The following SDC3 variants were observed in gnomAD, a reference collection of about 807,000 sequenced individuals.
The protein encoded by SDC3 is syndecan 3.
SDC3 carries 13 observed loss-of-function variants against 24.4 expected under a neutral mutation model. The observed-to-expected ratio is 0.53, with a 90% CI of 0.35 to 0.85. The LOEUF (loss-of-function observed/expected upper bound fraction) is 0.85. Ranked by LOEUF, SDC3 falls within the 40% of genes least tolerant of loss-of-function variation. The pLI is 0.01. For missense variants in SDC3, 571 were observed against 584.5 expected (o/e 0.98, Z 0.24); for synonymous variants, 295 against 260.9 (o/e 1.13, Z -1.26).
intron 1 of SDC3, among the ~76,000 whole-genome samples, chr1:30,887,794 C>G (rs572028074): frequency 6.6e-6 from 1 of 152,308 alleles, no homozygotes; most frequent in South Asian, 2.1e-4. Context: ...GTTGCATCAT[C>G]CCCCAGAGAT....
At chr1:30,885,347 T>C (rs1481042307) in intron 1 of SDC3, among the ~76,000 whole-genome samples, 3 of 152,248 alleles carry the variant, frequency 2.0e-5, no homozygotes, top group African/African-American at 7.2e-5. Flanking sequence ...AATTTCCAAA[T>C]GCTGCATTAT....
intron 1 of SDC3, among the ~76,000 whole-genome samples, chr1:30,904,210 G>A (rs928640782): frequency 2.0e-5 from 3 of 152,112 alleles, no homozygotes; most frequent in Non-Finnish European, 4.4e-5. Context: ...TGGCGATAGA[G>A]ACTCTGTCTC....
At chr1:30,878,836 C>A (rs755248114) in intron 1 of SDC3, 96 bp from the exon 2 acceptor site, 46 of 897,638 alleles carry the variant, frequency 5.1e-5, no homozygotes, top group Admixed American at 9.3e-5. Context: ...GGCTGAGTGA[C>A]ATCCACGTGG....
chr1:30,901,417 A>G (rs904974141), intron 1 of SDC3, among the ~76,000 whole-genome samples: 1 of 152,196 alleles, frequency 6.6e-6, no homozygotes, highest in South Asian at 2.1e-4. Context: ...AATGGAAAGC[A>G]CCCAGTCTCA....
chr1:30,899,844 A>G (rs538017680), intron 1 of SDC3, among the ~76,000 whole-genome samples: 1 of 152,254 alleles, frequency 6.6e-6, no homozygotes, highest in Admixed American at 6.5e-5. Context: ...TAGGACACAC[A>G]CGACACAACT....
chr1:30,903,307 AG>A (rs1638451413), intron 1 of SDC3, among the ~76,000 whole-genome samples: 1 of 152,154 alleles, frequency 6.6e-6, no homozygotes, highest in African/African-American at 2.4e-5. Context: ...GGCACATATC[AG>A]GGCTTATGGT....
chr1:30,890,249 G>C (rs1639885763), intron 1 of SDC3, among the ~76,000 whole-genome samples: 1 of 152,228 alleles, frequency 6.6e-6, no homozygotes, highest in Non-Finnish European at 1.5e-5. Context: ...AGAGGTTGCA[G>C]GGAGCCGAGA....
At chr1:30,884,436 C>T (rs957759991) in intron 1 of SDC3, among the ~76,000 whole-genome samples, 2 of 152,148 alleles carry the variant, frequency 1.3e-5, no homozygotes, top group African/African-American at 4.8e-5. Context: ...CCTGTCCCAT[C>T]CCAGTCAACT....
Position 30,873,028 on chromosome 1 carries a change from A to G in SDC3, c.*183T>C, listed in dbSNP as rs1018173104. 1.5e-5 allele frequency: 9 copies of G among 617,130 alleles called. No homozygotes were observed. The African/African-American group carries it at 1.5e-4, about 10-fold the overall frequency. The allele number at this position is 617,130 out of a possible 1,614,324, so 38.2% of individuals were successfully genotyped here. ...AAGGGCACAGTCTGGGGCAGATGGC[A>G]GCAGCCCCTCTTCCTCGGGGAAGAT... is the stretch of plus-strand genomic sequence containing the variant. On this transcript the variant is annotated 3_prime_UTR_variant, in exon 5 of 5. Coordinates refer to ENST00000339394, the MANE Select transcript of SDC3 (RefSeq NM_014654.4).
At chr1:30,901,962 C>T (rs1638422798) in intron 1 of SDC3, among the ~76,000 whole-genome samples, 1 of 152,222 alleles carries the variant, frequency 6.6e-6, no homozygotes, top group Non-Finnish European at 1.5e-5. Context: ...TAGGTGAACT[C>T]ACCAAGGTCA....
rs2124302289 is a variant in SDC3, at chr1:30,871,971, T to C, written c.*1240A>G. The C allele has an allele frequency of 6.6e-6, 1 of 152,270 alleles. No homozygotes were observed. The highest frequency in any genetic ancestry group is 1.9e-4 in the East Asian group (1 of 5,204). 9.4% of individuals were successfully genotyped at this position (152,270 alleles called of 1,614,324 possible). Reference sequence around the variant, plus strand: ...CCAGGCCCACCTGCATGCAATGCCCTAAAAGGGCTGTGGCCCCACACTTTT... The same window carrying C: ...CCAGGCCCACCTGCATGCAATGCCCCAAAAGGGCTGTGGCCCCACACTTTT... On this transcript the variant is annotated 3_prime_UTR_variant, in exon 5 of 5. Coordinates refer to ENST00000339394, the MANE Select transcript of SDC3 (RefSeq NM_014654.4).
At position 30,869,536 on chromosome 1, in the gene SDC3, C is replaced by CAAAAAAAAAAAAAAAAAAAAAAA; in HGVS notation, c.*3652_*3674dup. The CAAAAAAAAAAAAAAAAAAAAAAA allele has an allele frequency of 2.9e-6, 1 of 346,258 alleles. No individual in the cohort carries two copies. The highest frequency in any genetic ancestry group is 4.9e-6 in the Non-Finnish European group (1 of 202,878). 21.4% of individuals were successfully genotyped at this position (346,258 alleles called of 1,614,324 possible). On this transcript the variant is annotated 3_prime_UTR_variant, in exon 5 of 5. Transcript: ENST00000339394. ...AGGAAGTGTTAAAAAAACAAACAAA[C>CAAAAAAAAAAAAAAAAAAAAAAA]AAAAAAAAAAAAAAAAAAAAAAAAA...
Position 30,872,954 on chromosome 1 carries a change from G to A in SDC3, c.*257C>T, listed in dbSNP as rs1639565809. On this transcript the variant is annotated 3_prime_UTR_variant, in exon 5 of 5. Coordinates refer to ENST00000339394, the MANE Select transcript of SDC3 (RefSeq NM_014654.4). ...TCCCATCCATCTGACATGAGGTCCT[G>A]AAGCCCCAGACTGGTGGCAGGGATG... The A allele has an allele frequency of 4.1e-6, 2 of 490,124 alleles. No homozygotes were observed. The highest frequency in any genetic ancestry group is 6.6e-5 in the East Asian group (2 of 30,078). 30.4% of individuals were successfully genotyped at this position (490,124 alleles called of 1,614,324 possible).
intron 1 of SDC3, among the ~76,000 whole-genome samples, chr1:30,891,876 G>C (rs1287344966): frequency 6.7e-6 from 1 of 150,176 alleles, no homozygotes; most frequent in Non-Finnish European, 1.5e-5. Flanking sequence ...AGAGGAAGAA[G>C]AAGAAGGGAG....
intron 1 of SDC3, among the ~76,000 whole-genome samples, chr1:30,887,143 G>T (rs554386199): frequency 6.6e-6 from 1 of 152,046 alleles, no homozygotes; most frequent in Non-Finnish European, 1.5e-5. Context: ...AGGACAAGGC[G>T]CACTCACACG....
chr1:30,908,398 G>C (rs1181141774), intron 1 of SDC3, 51 bp downstream of exon 1: 21 of 991,874 alleles, frequency 2.1e-5, no homozygotes, highest in Non-Finnish European at 2.5e-5. Flanking sequence ...CACCCCGCGC[G>C]GGGGGCGGCC....
intron 3 of SDC3, 124 bp from the exon 4 acceptor site, chr1:30,874,712 C>T (rs1210034564): frequency 1.1e-6 from 1 of 875,566 alleles, no homozygotes; most frequent in African/African-American, 1.7e-5. Context: ...GTGCTACACA[C>T]TATCCCCATG....
intron 1 of SDC3, among the ~76,000 whole-genome samples, chr1:30,884,975 T>G (rs1288193147): frequency 4.6e-5 from 7 of 152,200 alleles, no homozygotes; most frequent in Non-Finnish European, 8.8e-5. Context: ...AAGACATAAA[T>G]GTGTCATAGA....
In SDC3 at chr1:30,900,088, C is replaced by T. The variant is rs144144966; in HGVS notation, c.138+8361G>A. ...CCTTTCTTTTCCCCACGCTCTTGAA[C>T]GAGCATCTCCATAAGCACCCAGGCT... On this transcript the variant is annotated intron_variant, in intron 1 of 4. Transcript: ENST00000339394. 4.9e-4 allele frequency among the ~76,000 whole-genome samples: 75 copies of T among 152,286 alleles called. 1 individual carries two copies. The highest frequency in any genetic ancestry group is 1.8e-3 in the African/African-American group (73 of 41,540).
Sources: allele counts gnomAD v4.1 joint callset (sites outside exome capture counted in the v4.1 genomes callset), GRCh38; gene constraint gnomAD v4.1.1; transcripts MANE v1.5; gene names NCBI Gene and HGNC (gene_info 2026-07-23, HGNC 2026-07-21).